PLXNC1: variants seen among roughly 807,000 people sequenced by gnomAD.
The protein encoded by PLXNC1 is plexin-C1.
A neutral mutation model predicts 178.2 loss-of-function variants in PLXNC1; 75 were observed. The observed-to-expected ratio is 0.42, with a 90% CI of 0.35 to 0.51. The LOEUF (loss-of-function observed/expected upper bound fraction) is 0.51. PLXNC1 is among the 20% of genes least tolerant of loss of function. The probability of loss-of-function intolerance (pLI) is 0.02; values close to 1 mark genes in which losing one functional copy is unlikely to be tolerated. For missense variants in PLXNC1, 1,503 were observed against 1,984.4 expected (o/e 0.76, Z 4.61); for synonymous variants, 790 against 779.9 (o/e 1.01, Z -0.22).
At chr12:94,268,588 CTTTTTT>C (rs61265662) in intron 21 of PLXNC1, among the ~76,000 whole-genome samples, 4 of 90,878 alleles carry the variant, frequency 4.4e-5, no homozygotes, top group African/African-American at 1.4e-4. Flanking sequence ...AGAATAAGAC[CTTTTTT>C]TTTTTTTTTT....
intron 23 of PLXNC1, among the ~76,000 whole-genome samples, chr12:94,287,510 C>T (rs150965701): frequency 2.6e-5 from 4 of 152,220 alleles, no homozygotes; most frequent in Non-Finnish European, 4.4e-5. Flanking sequence ...GGAGTAGTGG[C>T]GAGTGTGCAG....
At chr12:94,224,366 T>C (rs1963882191) in intron 7 of PLXNC1, 51 bp downstream of exon 7, 1 of 1,031,538 alleles carries the variant, frequency 9.7e-7, no homozygotes, top group African/African-American at 1.6e-5. Context: ...TTAATTTACT[T>C]ATTTGTTTGA....
intron 21 of PLXNC1, among the ~76,000 whole-genome samples, chr12:94,269,037 G>A (rs1011591741): frequency 2.0e-5 from 3 of 152,180 alleles, no homozygotes; most frequent in Non-Finnish European, 4.4e-5. Flanking sequence ...GTGAAAGTTT[G>A]AGGATTTCAC....
chr12:94,193,436 A>G (rs1359141228), intron 4 of PLXNC1, among the ~76,000 whole-genome samples: 2 of 152,190 alleles, frequency 1.3e-5, no homozygotes, highest in East Asian at 3.8e-4. Context: ...TTAGTGATTA[A>G]TTAGATTCCC....
intron 21 of PLXNC1, among the ~76,000 whole-genome samples, chr12:94,275,358 C>T (rs890892065): frequency 5.3e-5 from 8 of 152,136 alleles, no homozygotes; most frequent in South Asian, 2.1e-4. Context: ...GTGTGGGAGC[C>T]GGAGAGATGG....
intron 15 of PLXNC1, among the ~76,000 whole-genome samples, chr12:94,252,886 C>A (rs1293588601): frequency 2.6e-5 from 4 of 152,180 alleles, no homozygotes; most frequent in Admixed American, 2.6e-4. Context: ...TTTCTCTCAT[C>A]CTTCTTTGAA....
intron 2 of PLXNC1, among the ~76,000 whole-genome samples, chr12:94,174,681 A>G (rs1961981126): frequency 6.6e-6 from 1 of 152,224 alleles, no homozygotes; most frequent in Non-Finnish European, 1.5e-5. Flanking sequence ...ATGTTCAAAT[A>G]AGGAATAGGA....
intron 3 of PLXNC1, 145 bp from the exon 4 acceptor site, chr12:94,186,228 T>G (rs1962503003): frequency 7.9e-5 from 48 of 603,788 alleles, no homozygotes; most frequent in East Asian, 3.2e-4. Flanking sequence ...TCCTAGATCT[T>G]GAGACCCACT....
At chr12:94,230,678 A>G (rs1195112334) in intron 9 of PLXNC1, among the ~76,000 whole-genome samples, 1 of 152,218 alleles carries the variant, frequency 6.6e-6, no homozygotes, top group Non-Finnish European at 1.5e-5. Context: ...GGAATGTGTA[A>G]CATTCTGGTT....
In PLXNC1 at chr12:94,208,296, C is replaced by T. The variant is rs568983184; in HGVS notation, c.1440-1294C>T. On this transcript the variant is annotated intron_variant, in intron 4 of 30. Transcript: ENST00000258526. Reference sequence around the variant, plus strand: ...GCAGGGTTCCCCAAATGTCAGAAGCCGGTGACATGCTAAAGGTATTGTGCT... The same window carrying T: ...GCAGGGTTCCCCAAATGTCAGAAGCTGGTGACATGCTAAAGGTATTGTGCT... 3.9e-5 allele frequency among the ~76,000 whole-genome samples: 6 copies of T among 152,244 alleles called. No individual in the cohort carries two copies. The South Asian group carries it at 1.0e-3, about 26-fold the overall frequency.
rs1960892607 is a variant in PLXNC1, at chr12:94,149,989, G to T, written c.1018G>T (p.Ala340Ser). The part of the protein sequence containing the change: ...LFRMSEIQAR[A>S]KRVSWDFKTA... The stretch of plus-strand genomic sequence containing the variant: ...CAGAATGAGTGAGATCCAGGCGCGC[G>T]CCAAGAGGGTCAGCTGGGACTTCAA... The change falls in exon 1 of 31, where the codon GCC becomes TCC. Residue 340 changes from alanine (A) to serine (S), a missense_variant. Physicochemically the swap from Ala to Ser is moderately conservative, Grantham distance 99 (BLOSUM62 1). Coordinates refer to ENST00000258526, the MANE Select transcript of PLXNC1 (RefSeq NM_005761.3). 4 of 1,595,330 alleles carry T rather than the reference G, an allele frequency of 2.5e-6. No individual in the cohort carries two copies. Among genetic ancestry groups the T allele is most frequent in the Admixed American group, 1.7e-5 (1 of 57,690 alleles).
intron 2 of PLXNC1, among the ~76,000 whole-genome samples, chr12:94,177,634 C>G (rs1962153647): frequency 6.6e-6 from 1 of 151,888 alleles, no homozygotes; most frequent in South Asian, 2.1e-4. Flanking sequence ...AAAGGAAAAG[C>G]TTCCTTGCCA....
chr12:94,186,110 CA>C (rs1346249737), intron 3 of PLXNC1: 3 of 314,056 alleles, frequency 9.6e-6, no homozygotes, highest in African/African-American at 6.3e-5. Context: ...TGAAAAAATA[CA>C]ACTTCCTAGG....
intron 4 of PLXNC1, among the ~76,000 whole-genome samples, chr12:94,192,861 G>A (rs1391658686): frequency 6.6e-6 from 1 of 152,160 alleles, no homozygotes; most frequent in African/African-American, 2.4e-5. Flanking sequence ...TCTAGTACAG[G>A]ATGGATTGAA....
intron 5 of PLXNC1, among the ~76,000 whole-genome samples, chr12:94,209,981 T>C (rs1963418074): frequency 2.0e-5 from 3 of 152,216 alleles, no homozygotes; most frequent in African/African-American, 7.2e-5. Flanking sequence ...ATGGTTGAAC[T>C]GGAAGAAAAG....
intron 10 of PLXNC1, among the ~76,000 whole-genome samples, chr12:94,240,096 A>G (rs1964346658): frequency 6.6e-6 from 1 of 152,136 alleles, no homozygotes; most frequent in Non-Finnish European, 1.5e-5. Flanking sequence ...CTTCACTGCT[A>G]AATACTTCAG....
intron 20 of PLXNC1, chr12:94,262,797 G>A (rs1035110489): frequency 9.1e-6 from 9 of 983,668 alleles, no homozygotes; most frequent in South Asian, 4.7e-5. Flanking sequence ...AAGGATTTGT[G>A]GGTAAAATAA....
chr12:94,279,860 C>CA, intron 22 of PLXNC1: 1 of 690,854 alleles, frequency 1.4e-6, no homozygotes, highest in Non-Finnish European at 2.6e-6. Context: ...CACGGTCCTT[C>CA]AAAGATGGCG....
chr12:94,235,673 C>T (rs1438052403), intron 9 of PLXNC1, among the ~76,000 whole-genome samples: 3 of 152,208 alleles, frequency 2.0e-5, no homozygotes, highest in Admixed American at 2.0e-4. Context: ...ATGGTCTCTG[C>T]TGCAGCTACT....
Sources: gnomAD v4.1 joint callset for allele counts (sites outside exome capture counted in the v4.1 genomes callset) on GRCh38, gnomAD v4.1.1 for gene constraint, MANE v1.5 for transcripts, NCBI Gene and HGNC (gene_info 2026-07-23, HGNC 2026-07-21) for gene names.